The following PALLD variants were observed in gnomAD, a reference collection of about 807,000 sequenced individuals.
The protein encoded by PALLD is palladin, cytoskeletal associated protein, also known as palladin.
A neutral mutation model predicts 123.5 loss-of-function variants in PALLD; 61 were observed. That is an observed-to-expected ratio of 0.49 (90% CI 0.40 to 0.61). The LOEUF is 0.61. PALLD is among the 20% of genes least tolerant of loss of function. The pLI is 0.00. For missense variants in PALLD, 1,273 were observed against 1,377.0 expected, an observed-to-expected ratio of 0.92 and a Z score of 1.20; for synonymous variants, 465 against 496.4, an observed-to-expected ratio of 0.94 and a Z score of 0.84.
At chr4:168,836,812 C>G (rs933102363) in intron 10 of PALLD, among the ~76,000 whole-genome samples, 1 of 152,176 alleles carries the variant, frequency 6.6e-6, no homozygotes, top group Non-Finnish European at 1.5e-5. Context: ...ACCCTGAACA[C>G]ACTTTTTCAC....
intron 10 of PALLD, among the ~76,000 whole-genome samples, chr4:168,716,432 C>A (rs1385823058): frequency 6.6e-6 from 1 of 152,182 alleles, no homozygotes; most frequent in African/African-American, 2.4e-5. Flanking sequence ...TCCCCTTGCT[C>A]CTACTCTTAC....
intron 10 of PALLD, among the ~76,000 whole-genome samples, chr4:168,802,756 T>C (rs11946907): frequency 0.052 from 7,899 of 152,134 alleles, 704 homozygotes; most frequent in African/African-American, 0.18. Context: ...AATGGCACCA[T>C]GTCGGCTCAC....
chr4:168,558,255 G>A (rs956194934), intron 2 of PALLD, among the ~76,000 whole-genome samples: 4 of 152,178 alleles, frequency 2.6e-5, no homozygotes, highest in African/African-American at 9.7e-5. Context: ...AGTGCTGGCA[G>A]ATCAGCGCTT....
chr4:168,678,875 G>A (rs116544423), intron 3 of PALLD, among the ~76,000 whole-genome samples: 3,104 of 148,206 alleles, frequency 0.021, 97 homozygotes, highest in African/African-American at 0.073. Flanking sequence ...TGGGTGTGGC[G>A]TGTGTGTGGT....
chr4:168,602,066 G>T (rs1413336669), intron 2 of PALLD, among the ~76,000 whole-genome samples: 2 of 152,214 alleles, frequency 1.3e-5, no homozygotes, highest in African/African-American at 2.4e-5. Flanking sequence ...ACTCCGGTGA[G>T]TCTGCAGATA....
At chr4:168,587,727 ACCTCCTC>A (rs985598910) in intron 2 of PALLD, among the ~76,000 whole-genome samples, 2 of 152,008 alleles carry the variant, frequency 1.3e-5, no homozygotes, top group African/African-American at 4.8e-5. Context: ...GGATTTCACC[ACCTCCTC>A]CCATTTTCCA....
chr4:168,816,391 A>ATG (rs1741927124), intron 10 of PALLD, among the ~76,000 whole-genome samples: 1 of 136,286 alleles, frequency 7.3e-6, no homozygotes, highest in African/African-American at 2.8e-5. Context: ...GTATGTGTGT[A>ATG]TATATATATA....
At position 168,623,224 on chromosome 4, in the gene PALLD, C is replaced by A. The variant is rs140586595; in HGVS notation, c.909-44966C>A. 3.3e-5 allele frequency among the ~76,000 whole-genome samples: 5 copies of A among 152,236 alleles called. No homozygotes were observed. In the East Asian group the frequency reaches 9.7e-4, roughly 29 times the overall value. ...AAACTCACAGTACTACCTGAAGGAT[C>A]CAAAGAGATCACATGTCAGGCTGCC... On this transcript the variant is annotated intron_variant, in intron 2 of 21. Transcript: ENST00000505667.
chr4:168,642,644 C>T (rs1050274633), intron 2 of PALLD, among the ~76,000 whole-genome samples: 2 of 152,224 alleles, frequency 1.3e-5, no homozygotes, highest in Non-Finnish European at 2.9e-5. Context: ...TCAGGCGATC[C>T]ACCCGCCTTG....
At chr4:168,583,351 T>A (rs577980352) in intron 2 of PALLD, among the ~76,000 whole-genome samples, 3 of 152,306 alleles carry the variant, frequency 2.0e-5, no homozygotes, top group African/African-American at 7.2e-5. Flanking sequence ...AAAAATTTTA[T>A]TCTAGATCAG....
At chr4:168,550,365 A>G (rs1342093530) in intron 2 of PALLD, among the ~76,000 whole-genome samples, 1 of 152,202 alleles carries the variant, frequency 6.6e-6, no homozygotes, top group Non-Finnish European at 1.5e-5. Flanking sequence ...TACCATATTC[A>G]AGTCATGGAG....
intron 6 of PALLD, 32 bp downstream of exon 6, chr4:168,685,591 T>G: frequency 3.5e-6 from 5 of 1,429,352 alleles, no homozygotes; most frequent in Non-Finnish European, 4.9e-6. Context: ...TTCTCTGTGT[T>G]TGCTTTGGTC....
At chr4:168,611,901 T>C (rs1773762470) in intron 2 of PALLD, among the ~76,000 whole-genome samples, 2 of 152,186 alleles carry the variant, frequency 1.3e-5, no homozygotes, top group African/African-American at 4.8e-5. Context: ...GGCTCATGCC[T>C]GTAATCCCAA....
At chr4:168,686,494 G>A (rs982429809) in intron 6 of PALLD, 4 of 152,136 alleles carry the variant, frequency 2.6e-5, no homozygotes, top group Admixed American at 1.3e-4. Flanking sequence ...TTCTGTTCCT[G>A]TGTTAGTTTG....
intron 1 of PALLD, among the ~76,000 whole-genome samples, chr4:168,500,853 C>T (rs1478517210): frequency 2.0e-5 from 3 of 152,110 alleles, no homozygotes; most frequent in Non-Finnish European, 2.9e-5. Context: ...GAACCATATA[C>T]ATTTATGCCT....
At chr4:168,890,638 G>A (rs886215123) in intron 10 of PALLD, among the ~76,000 whole-genome samples, 11 of 151,194 alleles carry the variant, frequency 7.3e-5, no homozygotes, top group African/African-American at 2.4e-4. Flanking sequence ...TTATGCTGCC[G>A]CCTCGCTAAG....
intron 2 of PALLD, among the ~76,000 whole-genome samples, chr4:168,621,919 T>G (rs1183478489): frequency 3.9e-5 from 6 of 152,214 alleles, no homozygotes; most frequent in Non-Finnish European, 5.9e-5. Context: ...TCTTCAGGTC[T>G]GCGAACACAT....
chr4:168,736,911 A>G lies in PALLD; in HGVS notation c.1964+24988A>G, dbSNP rs190302366. ...TGGGAGGGGGAGGGGAGTGGTTATT[A>G]ACGTGAAGTTTAAAATATTCAAAGA... is the stretch of plus-strand genomic sequence containing the variant. On this transcript the variant is annotated intron_variant, in intron 10 of 21. Transcript: ENST00000505667. Among the ~76,000 whole-genome samples, 383 of 152,290 alleles carry G rather than the reference A, an allele frequency of 2.5e-3. 1 individual carries two copies. The highest frequency in any genetic ancestry group is 8.7e-3 in the African/African-American group (361 of 41,554).
chr4:168,498,254 A>T (rs554325197), intron 1 of PALLD, among the ~76,000 whole-genome samples: 1 of 152,322 alleles, frequency 6.6e-6, no homozygotes, highest in Non-Finnish European at 1.5e-5. Context: ...CTAGAATATA[A>T]ATTAGTCCTC....
Sources: allele counts gnomAD v4.1 joint callset (sites outside exome capture counted in the v4.1 genomes callset), GRCh38; gene constraint gnomAD v4.1.1; transcripts MANE v1.5; gene names NCBI Gene and HGNC (gene_info 2026-07-23, HGNC 2026-07-21).